Variants in LPCAT1 observed in about 807,000 individuals in gnomAD.
The protein encoded by LPCAT1 is 1-acylglycerol-3-phosphate O-acyltransferase.
In LPCAT1, 23 loss-of-function variants were observed where a neutral mutation model predicts 60.9. The ratio of observed to expected loss-of-function variants is 0.38; its 90% CI spans 0.27 to 0.53. The LOEUF (loss-of-function observed/expected upper bound fraction) is 0.53, where lower values mean the gene tolerates loss of function less well. LPCAT1 is among the 20% of genes least tolerant of loss of function. The probability of loss-of-function intolerance (pLI) is 0.82; values close to 1 mark genes in which losing one functional copy is unlikely to be tolerated. For missense variants in LPCAT1, 622 were observed against 723.6 expected (o/e 0.86, Z 1.61); for synonymous variants, 340 against 301.1 (o/e 1.13, Z -1.34).
At chr5:1,499,691 A>G (rs36986) in intron 2 of LPCAT1, among the ~76,000 whole-genome samples, 79,229 of 151,896 alleles carry the variant, frequency 0.52, 21,868 homozygotes, top group African/African-American at 0.71. Flanking sequence ...ACGTCCACCC[A>G]CTCAGCAGGG....
At chr5:1,489,368 C>G (rs1056290668) in intron 4 of LPCAT1, among the ~76,000 whole-genome samples, 37 of 152,230 alleles carry the variant, frequency 2.4e-4, no homozygotes, top group Admixed American at 2.4e-3. Context: ...GCCTGGGAAC[C>G]AGCATACAGA....
chr5:1,477,407 G>A lies in LPCAT1; in HGVS notation c.896C>T (p.Ala299Val). ...GGGGAAGGAGCTGCTCACTTACTCG[G>A]CCATGACTCGCCGCACGTTGCTGGC... Reference protein sequence around the residue: ...LYASNVRRVMAEALGVSVTDY... With the variant: ...LYASNVRRVMVEALGVSVTDY... Residue 299 changes from alanine (A) to valine (V), a missense_variant, in exon 9 of 14, where the codon GCC becomes GTC. This residue lies in a region of LPCAT1 where 209 missense variants were observed against 325.5 expected (regional missense o/e 0.64). Transcript: ENST00000283415. The surrounding 1 kb of genome is among the most constrained non-coding windows in gnomAD (Gnocchi z 6.0). 1 of 1,613,700 alleles carries A rather than the reference G, an allele frequency of 6.2e-7. No individual in the cohort carries two copies. Among genetic ancestry groups the A allele is most frequent in the Non-Finnish European group, 8.5e-7 (1 of 1,179,728 alleles).
chr5:1,463,823 C>T lies in LPCAT1; in HGVS notation c.1433G>A (p.Arg478Lys). 1 of 1,614,046 alleles carries T rather than the reference C, an allele frequency of 6.2e-7. No individual in the cohort carries two copies. The highest frequency in any genetic ancestry group is 8.5e-7 in the Non-Finnish European group (1 of 1,179,948). ...KGKITFADFH[R>K]FAEMYPAFAE... ...GAAGGCAGGGTACATTTCTGCAAACCTGTGGAAGTCAGCTGGAAAGACAAA... is the reference window on the plus strand; with the variant it reads ...GAAGGCAGGGTACATTTCTGCAAACTTGTGGAAGTCAGCTGGAAAGACAAA... The change falls in exon 14 of 14, where the codon AGG becomes AAG. Residue 478 changes from arginine (R) to lysine (K), a missense_variant. Physicochemically the swap from Arg to Lys is conservative, Grantham distance 26. Around this residue, in one of 3 missense-constraint regions of LPCAT1, gnomAD observed 288 missense variants for 283.6 expected, o/e 1.02. Transcript: ENST00000283415.
intron 3 of LPCAT1, 54 bp from the exon 4 acceptor site, chr5:1,489,912 A>G (rs1735512276): frequency 1.5e-6 from 2 of 1,306,398 alleles, no homozygotes; most frequent in Admixed American, 3.4e-5. Context: ...CCCGCCAGGC[A>G]GGGCTGAGGA....
chr5:1,494,117 G>T (rs528907002), intron 3 of LPCAT1, among the ~76,000 whole-genome samples: 1 of 149,038 alleles, frequency 6.7e-6, no homozygotes, highest in African/African-American at 2.5e-5. Context: ...CTTTGGGGAG[G>T]GGTCATGGCA....
chr5:1,475,287 G>C (rs1333174039), intron 9 of LPCAT1, among the ~76,000 whole-genome samples: 1 of 152,214 alleles, frequency 6.6e-6, no homozygotes, highest in African/African-American at 2.4e-5. Flanking sequence ...GAGAGTCTCA[G>C]GCTATCCACA....
chr5:1,506,961 C>T (rs1308824716), intron 1 of LPCAT1, among the ~76,000 whole-genome samples: 1 of 152,184 alleles, frequency 6.6e-6, no homozygotes, highest in Non-Finnish European at 1.5e-5. Context: ...GGCACCTTCA[C>T]CAGAGGCAGC....
Position 1,496,487 on chromosome 5 carries a change from G to A in LPCAT1, c.279-1573C>T. Among the ~76,000 whole-genome samples the A allele has an allele frequency of 6.6e-6, 1 of 151,812 alleles. No homozygotes were observed. On this transcript the variant is annotated intron_variant, in intron 2 of 13. Transcript: ENST00000283415. The surrounding 1 kb of genome is among the most constrained non-coding windows in gnomAD (Gnocchi z 4.7). ...TTGATGCCTAAGATGGAAGAAACAA[G>A]GCAGCGGCGGAGGGAGAAGCGAGGC... is the stretch of plus-strand genomic sequence containing the variant.
chr5:1,488,374 TTAAGAAAACTACATACCAGGTTTGAAGG>T lies in LPCAT1; in HGVS notation c.656_667+16del. The T allele has an allele frequency of 6.6e-7, 1 of 1,520,654 alleles. No individual in the cohort carries two copies. The highest frequency in any genetic ancestry group is 9.0e-7 in the Non-Finnish European group (1 of 1,117,200). 94.2% of individuals were successfully genotyped at this position (1,520,654 alleles called of 1,614,324 possible). ...TTTTCTCTAGGAGAAAAATAAACATTTAAGAAAACTACATACCAGGTTTGAAGGTAATTAGGCAGGTCCTGTTTGTACA... is the reference window on the plus strand; with the variant it reads ...TTTTCTCTAGGAGAAAAATAAACATTTAATTAGGCAGGTCCTGTTTGTACA... On this transcript the variant is annotated splice_donor_variant and splice_donor_5th_base_variant and coding_sequence_variant and intron_variant, in exon 5 of 14. Transcript: ENST00000283415. LOFTEE classifies it high-confidence loss of function.
intron 13 of LPCAT1, 78 bp downstream of exon 13, chr5:1,466,671 T>G: frequency 2.8e-6 from 4 of 1,416,886 alleles, no homozygotes; most frequent in South Asian, 3.1e-5. Flanking sequence ...TGTCCTGGGC[T>G]CCCACGGAGA....
chr5:1,494,533 A>G (rs1423745881), intron 3 of LPCAT1, among the ~76,000 whole-genome samples, 167 bp downstream of exon 3: 2 of 151,496 alleles, frequency 1.3e-5, no homozygotes, highest in African/African-American at 4.9e-5. Context: ...CCTAAAAACC[A>G]GCAGGGAGTC....
At chr5:1,517,452 G>A (rs1218328237) in intron 1 of LPCAT1, among the ~76,000 whole-genome samples, 2 of 152,200 alleles carry the variant, frequency 1.3e-5, no homozygotes, top group African/African-American at 4.8e-5. Context: ...CAAGAGCGGT[G>A]AGACGGAGTG....
chr5:1,477,442 G>A lies in LPCAT1; in HGVS notation c.861C>T (p.Pro287=), dbSNP rs76112807. ...GCCGCACGTTGCTGGCATACAGCGC[G>A]GGGTTCCTCTTCTCCTCCTCAGAAG... ...YSPSEEEKRN[P]ALYASNVRRV... Residue 287 remains proline (P), a synonymous_variant, in exon 9 of 14, where the codon CCC becomes CCT. Transcript: ENST00000283415. The surrounding 1 kb of genome is among the most constrained non-coding windows in gnomAD (Gnocchi z 6.0). 12,314 of 1,613,928 alleles carry A rather than the reference G, an allele frequency of 7.6e-3. 73 individuals carry two copies. The highest frequency in any genetic ancestry group is 9.0e-3 in the Non-Finnish European group (10,572 of 1,179,908).
At position 1,523,047 on chromosome 5, in the gene LPCAT1, G is replaced by A. The variant is rs895795968; in HGVS notation, c.135+663C>T. 1.2e-4 allele frequency among the ~76,000 whole-genome samples: 18 copies of A among 152,340 alleles called. No individual in the cohort carries two copies. The highest frequency in any genetic ancestry group is 3.3e-4 in the Admixed American group (5 of 15,310). On this transcript the variant is annotated intron_variant, in intron 1 of 13. Coordinates refer to ENST00000283415, the MANE Select transcript of LPCAT1 (RefSeq NM_024830.5). This position sits in a 1 kb window ranked among gnomAD's most constrained non-coding sequence, Gnocchi z 7.1. ...TTCGGGTCAGACCAGCCCCGAGAAAGCATCCCTTACAACAGGAGCGAAGCA... is the reference window on the plus strand; with the variant it reads ...TTCGGGTCAGACCAGCCCCGAGAAAACATCCCTTACAACAGGAGCGAAGCA...
In LPCAT1 at chr5:1,462,814, G is replaced by C. The variant is rs753454886; in HGVS notation, c.*837C>G. 1 of 152,296 alleles carries C rather than the reference G, an allele frequency of 6.6e-6. No individual in the cohort carries two copies. The highest frequency in any genetic ancestry group is 2.1e-4 in the South Asian group (1 of 4,830). The allele number at this position is 152,296 out of a possible 1,614,324, so 9.4% of individuals were successfully genotyped here. ...AAATGGATTACGTTATGCCGAAACA[G>C]AAACATCAAACTGCCAACGTTTATA... is the stretch of plus-strand genomic sequence containing the variant. On this transcript the variant is annotated 3_prime_UTR_variant, in exon 14 of 14. Transcript: ENST00000283415.
In LPCAT1 at chr5:1,483,734, TCGCGCACGAGC is replaced by T. The variant is rs1735256280; in HGVS notation, c.668-259_668-249del. ...CCAAGGAACACTTTCTGTTTTAACA[TCGCGCACGAGC>T]TGGAAGGCGTCTGTGGAGGGACACT... On this transcript the variant is annotated intron_variant, in intron 5 of 13. Transcript: ENST00000283415. The surrounding 1 kb of genome is among the most constrained non-coding windows in gnomAD (Gnocchi z 9.2). Among the ~76,000 whole-genome samples, 1 of 151,860 alleles carries T rather than the reference TCGCGCACGAGC, an allele frequency of 6.6e-6. No individual in the cohort carries two copies. Among genetic ancestry groups the T allele is most frequent in the African/African-American group, 2.4e-5 (1 of 41,348 alleles).
At position 1,483,036 on chromosome 5, in the gene LPCAT1, G is replaced by C. The variant is rs1435444498; in HGVS notation, c.726+392C>G. On this transcript the variant is annotated intron_variant, in intron 6 of 13. Transcript: ENST00000283415. This position sits in a 1 kb window ranked among gnomAD's most constrained non-coding sequence, Gnocchi z 9.2. ...TTTAAACTTCCTGGAGCATGAACTG[G>C]GTACTGAAAGCTGCTGGGGGCCCTG... Among the ~76,000 whole-genome samples the C allele has an allele frequency of 2.0e-5, 3 of 152,176 alleles. No individual in the cohort carries two copies. Among genetic ancestry groups the C allele is most frequent in the Non-Finnish European group, 4.4e-5 (3 of 68,030 alleles).
chr5:1,488,112 C>A (rs1273560293), intron 5 of LPCAT1, among the ~76,000 whole-genome samples: 1 of 152,186 alleles, frequency 6.6e-6, no homozygotes, highest in Non-Finnish European at 1.5e-5. Context: ...GCACCCAGGA[C>A]CCTCCAGCCT....
chr5:1,482,328 G>A (rs1235803056), intron 6 of LPCAT1, among the ~76,000 whole-genome samples: 1 of 146,906 alleles, frequency 6.8e-6, no homozygotes, highest in Admixed American at 6.8e-5. Flanking sequence ...GAAGTATTCT[G>A]AGCATCCAAG....
Sources: allele counts gnomAD v4.1 joint callset (sites outside exome capture counted in the v4.1 genomes callset), GRCh38; gene constraint gnomAD v4.1.1; regional missense constraint gnomAD v4.1.1; non-coding constraint Gnocchi (gnomAD v3.1); transcripts MANE v1.5; gene names NCBI Gene and HGNC (gene_info 2026-07-23, HGNC 2026-07-21).